Variants in AMOTL1 observed in about 807,000 individuals in gnomAD.
AMOTL1 encodes angiomotin like 1.
Under a neutral mutation model 102.9 loss-of-function variants are expected in AMOTL1, and 45 were observed. The observed-to-expected ratio is 0.44, with a 90% CI of 0.34 to 0.56. The LOEUF (loss-of-function observed/expected upper bound fraction) is 0.56. Among genes scored for constraint, AMOTL1 ranks in the 20% least tolerant of loss-of-function variants. The pLI is 0.01. For missense variants in AMOTL1, 1,114 were observed against 1,225.6 expected (o/e 0.91, Z 1.36); for synonymous variants, 481 against 484.7 (o/e 0.99, Z 0.10).
At chr11:94,727,029 G>A (rs192440640) in intron 1 of AMOTL1, among the ~76,000 whole-genome samples, 2 of 152,262 alleles carry the variant, frequency 1.3e-5, no homozygotes, top group Admixed American at 6.5e-5. Context: ...ATGGATGTGA[G>A]AGCCTAACCT....
intron 3 of AMOTL1, among the ~76,000 whole-genome samples, chr11:94,758,541 G>A (rs559117363): frequency 3.3e-5 from 5 of 152,292 alleles, no homozygotes; most frequent in East Asian, 3.9e-4. Flanking sequence ...CATAGATGGC[G>A]TGACAGTGTT....
At chr11:94,858,633 T>G (rs915482678) in intron 8 of AMOTL1, among the ~76,000 whole-genome samples, 1 of 152,168 alleles carries the variant, frequency 6.6e-6, no homozygotes, top group Middle Eastern at 3.2e-3. Context: ...ATAGACTAAC[T>G]GGGATGAAAT....
Position 94,735,524 on chromosome 11 carries a change from A to G in AMOTL1, c.86-5414A>G, listed in dbSNP as rs374914886. Reference sequence around the variant, plus strand: ...TTACTGTTTTCTAATGGTTGATAAGACTTTTCTTCTATGACTTTTTAATAT... The same window carrying G: ...TTACTGTTTTCTAATGGTTGATAAGGCTTTTCTTCTATGACTTTTTAATAT... On this transcript the variant is annotated intron_variant, in intron 2 of 4. Coordinates refer to the AMOTL1 transcript ENST00000299004. Among the ~76,000 whole-genome samples, 27 of 152,310 alleles carry G rather than the reference A, an allele frequency of 1.8e-4. No homozygotes were observed. The East Asian group carries it at 2.1e-3, about 12-fold the overall frequency.
chr11:94,717,254 T>C (rs1482308409), intron 1 of AMOTL1, among the ~76,000 whole-genome samples: 2 of 150,966 alleles, frequency 1.3e-5, no homozygotes, highest in Non-Finnish European at 3.0e-5. Context: ...GAGGTAAAAG[T>C]GAGTCTGTAA....
Position 94,824,997 on chromosome 11 carries a change from G to A in AMOTL1, c.1413+3176G>A, listed in dbSNP as rs528789337. Among the ~76,000 whole-genome samples, 21 of 152,338 alleles carry A rather than the reference G, an allele frequency of 1.4e-4. 1 individual carries two copies. In the South Asian group the frequency reaches 4.3e-3, roughly 32 times the overall value. Reference sequence around the variant, plus strand: ...TAGATATGAAGATCCTGTTTCCAAAGAGGCTCAAGGTAGTGATTATCACTG... The same window carrying A: ...TAGATATGAAGATCCTGTTTCCAAAAAGGCTCAAGGTAGTGATTATCACTG... On this transcript the variant is annotated intron_variant, in intron 4 of 12. Transcript: ENST00000433060.
At chr11:94,813,784 A>T (rs1164092138) in intron 3 of AMOTL1, among the ~76,000 whole-genome samples, 1 of 152,204 alleles carries the variant, frequency 6.6e-6, no homozygotes, top group South Asian at 2.1e-4. Context: ...TGGACCCAAA[A>T]CACTACACAT....
intron 4 of AMOTL1, among the ~76,000 whole-genome samples, chr11:94,829,149 G>T (rs1352994126): frequency 2.0e-5 from 3 of 151,220 alleles, no homozygotes; most frequent in Non-Finnish European, 2.9e-5. Context: ...TAATTTCTTG[G>T]CTATCAATTC....
At chr11:94,860,967 G>A (rs1274731070) in intron 9 of AMOTL1, among the ~76,000 whole-genome samples, 1 of 152,224 alleles carries the variant, frequency 6.6e-6, no homozygotes, top group Non-Finnish European at 1.5e-5. Context: ...TCAGATGTTA[G>A]CACCAGGAAT....
upstream of AMOTL1, among the ~76,000 whole-genome samples, chr11:94,764,285 C>T (rs1950829435): frequency 6.6e-6 from 1 of 152,168 alleles, no homozygotes. Context: ...CAGCTGGAAA[C>T]CTCAATGTGC....
chr11:94,781,699 G>A (rs1443411771), intron 1 of AMOTL1, among the ~76,000 whole-genome samples: 1 of 152,172 alleles, frequency 6.6e-6, no homozygotes, highest in East Asian at 1.9e-4. Context: ...CCTGGGTGTG[G>A]TGGTGCATGC....
At chr11:94,734,323 C>G (rs1950403791) in intron 2 of AMOTL1, among the ~76,000 whole-genome samples, 1 of 152,124 alleles carries the variant, frequency 6.6e-6, no homozygotes, top group Non-Finnish European at 1.5e-5. Flanking sequence ...TACCTGAGGC[C>G]TGATTTTCAT....
intron 2 of AMOTL1, among the ~76,000 whole-genome samples, chr11:94,733,286 T>A (rs990799208): frequency 1.3e-5 from 2 of 152,260 alleles, no homozygotes; most frequent in African/African-American, 4.8e-5. Flanking sequence ...TACTCTGTAG[T>A]GAACAGATGC....
chr11:94,839,277 A>G (rs936074227), intron 6 of AMOTL1, among the ~76,000 whole-genome samples: 2 of 152,256 alleles, frequency 1.3e-5, no homozygotes, highest in African/African-American at 4.8e-5. Context: ...AACAGCTGCC[A>G]ACACTAATTG....
In AMOTL1 at chr11:94,795,145, A is replaced by G. The variant is rs755881512; in HGVS notation, c.184A>G (p.Ile62Val). 1.2e-6 allele frequency: 2 copies of G among 1,613,822 alleles called. No individual in the cohort carries two copies. The highest frequency in any genetic ancestry group is 1.1e-5 in the South Asian group (1 of 90,984). The change falls in exon 2 of 13, where the codon ATC (isoleucine) becomes GTC (valine). Residue 62 changes from isoleucine (I) to valine (V), a missense_variant. Physicochemically the swap from Ile to Val is conservative, Grantham distance 29. Coordinates refer to ENST00000433060, the MANE Select transcript of AMOTL1 (RefSeq NM_130847.3). ...SALTVEATSS[I>V]REKVVEDPLC... is the part of the protein sequence containing the mutation. ...TTTGACGGTGGAGGCAACCAGTAGC[A>G]TCAGGGAAAAAGTTGGTAAGTCCTT...
At chr11:94,788,156 C>T (rs1452580990) in intron 1 of AMOTL1, among the ~76,000 whole-genome samples, 2 of 152,142 alleles carry the variant, frequency 1.3e-5, no homozygotes, top group Admixed American at 1.3e-4. Flanking sequence ...GTAGATAGAA[C>T]CTGCCCCTAG....
At position 94,862,248 on chromosome 11, in the gene AMOTL1, T is replaced by C. The variant is rs527699727; in HGVS notation, c.2136-2487T>C. 1.8e-4 allele frequency among the ~76,000 whole-genome samples: 27 copies of C among 152,266 alleles called. No homozygotes were observed. The East Asian group carries it at 4.4e-3, about 25-fold the overall frequency. On this transcript the variant is annotated intron_variant, in intron 9 of 12. Transcript: ENST00000433060. ...GAACCTCAGATAGCTCCAATCTTAATGTTCTTTTCAAAGAAAACCTCTGTC... is the reference window on the plus strand; with the variant it reads ...GAACCTCAGATAGCTCCAATCTTAACGTTCTTTTCAAAGAAAACCTCTGTC...
chr11:94,785,522 A>T (rs1951172590), intron 1 of AMOTL1, among the ~76,000 whole-genome samples: 1 of 152,162 alleles, frequency 6.6e-6, no homozygotes, highest in Non-Finnish European at 1.5e-5. Flanking sequence ...TACTTAAGGG[A>T]TGTTTAGTTT....
intron 9 of AMOTL1, among the ~76,000 whole-genome samples, chr11:94,863,871 T>G (rs1952823375): frequency 6.6e-6 from 1 of 152,254 alleles, no homozygotes; most frequent in South Asian, 2.1e-4. Flanking sequence ...AAACTGCTTC[T>G]TGATCTTCTC....
intron 2 of AMOTL1, chr11:94,729,080 A>G: frequency 7.8e-7 from 1 of 1,280,970 alleles, no homozygotes; most frequent in Non-Finnish European, 1.0e-6. Context: ...GATGTCCCTG[A>G]TAGCATGGTA....
Sources: gnomAD v4.1 joint callset for allele counts (sites outside exome capture counted in the v4.1 genomes callset) on GRCh38, gnomAD v4.1.1 for gene constraint, MANE v1.5 for transcripts, NCBI Gene and HGNC (gene_info 2026-07-23, HGNC 2026-07-21) for gene names.